The following CNTNAP2 variants were observed in gnomAD, a reference collection of about 807,000 sequenced individuals.
CNTNAP2 encodes contactin associated protein 2.
In CNTNAP2, 98 loss-of-function variants were observed where a neutral mutation model predicts 155.2. The observed-to-expected ratio is 0.63, with a 90% confidence interval of 0.54 to 0.75. CNTNAP2 has a LOEUF of 0.75. Ranked by LOEUF, CNTNAP2 falls within the 30% of genes least tolerant of loss-of-function variation. The pLI, the probability that CNTNAP2 is intolerant of heterozygous loss-of-function variation, is 0.00. For synonymous variants in CNTNAP2, 651 were observed against 631.2 expected (o/e 1.03, Z -0.47); for missense variants, 1,727 against 1,688.1 (o/e 1.02, Z -0.40).
At chr7:146,564,932 A>G (rs530379201) in intron 1 of CNTNAP2, among the ~76,000 whole-genome samples, 23 of 152,264 alleles carry the variant, frequency 1.5e-4, no homozygotes, top group Admixed American at 1.4e-3. Flanking sequence ...GAGCATCTAG[A>G]AGTTAAGTGA....
chr7:147,826,951 G>A (rs1245230699), intron 13 of CNTNAP2, among the ~76,000 whole-genome samples: 1 of 119,452 alleles, frequency 8.4e-6, no homozygotes, highest in African/African-American at 3.5e-5. Flanking sequence ...TTTTTTTTGA[G>A]ACGGAGTCTT....
At chr7:148,413,726 G>A (rs563303624) in intron 23 of CNTNAP2, among the ~76,000 whole-genome samples, 88 of 151,922 alleles carry the variant, frequency 5.8e-4, no homozygotes, top group Non-Finnish European at 1.0e-3. Context: ...AGTTCTGCCC[G>A]TTTTTGCTTC....
intron 21 of CNTNAP2, among the ~76,000 whole-genome samples, chr7:148,267,871 G>A (rs1486726218): frequency 1.3e-5 from 2 of 152,056 alleles, no homozygotes; most frequent in Non-Finnish European, 2.9e-5. Flanking sequence ...CGTTTCCTTT[G>A]TCAAAGCATA....
intron 9 of CNTNAP2, among the ~76,000 whole-genome samples, chr7:147,318,433 T>A (rs1375141082): frequency 6.6e-6 from 1 of 152,104 alleles, no homozygotes; most frequent in African/African-American, 2.4e-5. Context: ...CCCTCTTTTG[T>A]TTGTTTGTTT....
rs541261624 is a variant in CNTNAP2 at position 146,673,703 on chromosome 7, A to G, written c.98-100568A>G. Among the ~76,000 whole-genome samples the G allele has an allele frequency of 8.5e-5, 13 of 152,272 alleles. No individual in the cohort carries two copies. In the South Asian group the frequency reaches 2.7e-3, roughly 32 times the overall value. ...TTCTCTATGTAGCTTTCCTTTGTCC[A>G]TACATCCTTTCCAAACCTGCAGTGG... On this transcript the variant is annotated intron_variant, in intron 1 of 23. Transcript: ENST00000361727.
At chr7:146,744,945 G>T (rs1028087993) in intron 1 of CNTNAP2, among the ~76,000 whole-genome samples, 1 of 152,104 alleles carries the variant, frequency 6.6e-6, no homozygotes, top group Non-Finnish European at 1.5e-5. Context: ...AAGCTAAAAA[G>T]ATTGGCTTTT....
At chr7:146,320,861 A>G (rs779017564) in intron 1 of CNTNAP2, among the ~76,000 whole-genome samples, 14 of 152,252 alleles carry the variant, frequency 9.2e-5, no homozygotes, top group Non-Finnish European at 1.8e-4. Context: ...AACAGGGAAA[A>G]AATGAAATAT....
chr7:147,430,687 T>G (rs1354810378), intron 10 of CNTNAP2, among the ~76,000 whole-genome samples: 1 of 152,152 alleles, frequency 6.6e-6, no homozygotes. Flanking sequence ...TACATTATGA[T>G]GAGTCCAACT....
At chr7:147,653,167 T>C (rs1795473690) in intron 13 of CNTNAP2, among the ~76,000 whole-genome samples, 1 of 152,182 alleles carries the variant, frequency 6.6e-6, no homozygotes, top group Non-Finnish European at 1.5e-5. Flanking sequence ...ATTGATTAAA[T>C]AGAAAAATGC....
intron 2 of CNTNAP2, among the ~76,000 whole-genome samples, chr7:146,780,946 G>T (rs1802475212): frequency 1.3e-5 from 2 of 151,814 alleles, no homozygotes; most frequent in Admixed American, 6.6e-5. Flanking sequence ...CTAGATGACA[G>T]GGCCGGGCGC....
At chr7:146,511,100 A>G (rs1797458967) in intron 1 of CNTNAP2, among the ~76,000 whole-genome samples, 2 of 152,030 alleles carry the variant, frequency 1.3e-5, no homozygotes, top group African/African-American at 4.8e-5. Context: ...GGGTTTCACC[A>G]TGTTAGCCAG....
At chr7:147,963,928 C>T (rs1350673279) in intron 14 of CNTNAP2, among the ~76,000 whole-genome samples, 1 of 152,058 alleles carries the variant, frequency 6.6e-6, no homozygotes, top group Non-Finnish European at 1.5e-5. Context: ...TTCTAAAACC[C>T]AATATAAAAC....
At chr7:146,519,422 T>C (rs1797585997) in intron 1 of CNTNAP2, among the ~76,000 whole-genome samples, 1 of 151,830 alleles carries the variant, frequency 6.6e-6, no homozygotes, top group Admixed American at 6.6e-5. Flanking sequence ...ATTTCAAAGT[T>C]TGAATTTTAA....
intron 21 of CNTNAP2, among the ~76,000 whole-genome samples, chr7:148,321,112 G>A (rs1011495802): frequency 2.0e-5 from 3 of 152,190 alleles, no homozygotes; most frequent in African/African-American, 7.2e-5. Flanking sequence ...GATGGTACAC[G>A]TGAAGGAGAG....
intron 1 of CNTNAP2, among the ~76,000 whole-genome samples, chr7:146,622,233 A>ATG (rs1563160470): frequency 6.9e-6 from 1 of 144,602 alleles, no homozygotes; most frequent in African/African-American, 2.5e-5. Flanking sequence ...GTATATATAT[A>ATG]TGTGTGTGTA....
At chr7:148,204,782 G>A (rs557054938) in intron 18 of CNTNAP2, among the ~76,000 whole-genome samples, 136 of 152,230 alleles carry the variant, frequency 8.9e-4, no homozygotes, top group African/African-American at 3.1e-3. Flanking sequence ...CACAATCGTC[G>A]CCTAGACAGA....
intron 1 of CNTNAP2, among the ~76,000 whole-genome samples, chr7:146,631,148 G>A (rs1799504178): frequency 6.6e-6 from 1 of 152,040 alleles, no homozygotes; most frequent in East Asian, 1.9e-4. Flanking sequence ...CATGCTACCT[G>A]ACTTCAAACT....
intron 3 of CNTNAP2, among the ~76,000 whole-genome samples, chr7:146,904,873 T>C (rs1271612106): frequency 6.6e-6 from 1 of 152,176 alleles, no homozygotes; most frequent in African/African-American, 2.4e-5. Flanking sequence ...GGAATAATTT[T>C]ATGTATGAGC....
At chr7:146,311,607 C>CAAAAAAAAAAAAAAAAAAAAAA (rs71175646) in intron 1 of CNTNAP2, 2 of 38,938 alleles carry the variant, frequency 5.1e-5, no homozygotes, top group African/African-American at 1.4e-4. Flanking sequence ...CTTGTCTTTA[C>CAAAAAAAAAAAAAAAAAAAAAA]AAAAAAAAAA....
Sources: allele counts gnomAD v4.1 joint callset (sites outside exome capture counted in the v4.1 genomes callset), GRCh38; gene constraint gnomAD v4.1.1; transcripts MANE v1.5; gene names NCBI Gene and HGNC (gene_info 2026-07-23, HGNC 2026-07-21).